Variants in SEC23A observed in about 807,000 individuals in gnomAD.
SEC23A encodes SEC23 homolog A, COPII component, also known as protein transport protein Sec23A.
Under a neutral mutation model 103.7 loss-of-function variants are expected in SEC23A, and 56 were observed. The ratio of observed to expected loss-of-function variants is 0.54; its 90% confidence interval spans 0.44 to 0.67. The LOEUF (loss-of-function observed/expected upper bound fraction) is 0.67, where lower values mean the gene tolerates loss of function less well. Ranked by LOEUF, SEC23A falls within the 30% of genes least tolerant of loss-of-function variation. The pLI, the probability that SEC23A is intolerant of heterozygous loss-of-function variation, is 0.00. For synonymous variants in SEC23A, 281 were observed against 293.0 expected (o/e 0.96, Z 0.42); for missense variants, 784 against 936.4 (o/e 0.84, Z 2.12).
intron 19 of SEC23A, among the ~76,000 whole-genome samples, chr14:39,037,507 T>C (rs1885500236): frequency 6.6e-6 from 1 of 152,244 alleles, no homozygotes; most frequent in African/African-American, 2.4e-5. Flanking sequence ...GTATGCTTTA[T>C]GTTTCTACAT....
intron 19 of SEC23A, among the ~76,000 whole-genome samples, chr14:39,035,267 T>G (rs1360247644): frequency 1.3e-5 from 2 of 152,198 alleles, no homozygotes; most frequent in African/African-American, 4.8e-5. Flanking sequence ...ATTATTAAAA[T>G]ATTGACATCA....
intron 2 of SEC23A, among the ~76,000 whole-genome samples, chr14:39,095,375 C>A (rs1887851337): frequency 6.6e-6 from 1 of 151,860 alleles, no homozygotes; most frequent in Non-Finnish European, 1.5e-5. Context: ...CAGCTCACTG[C>A]AACCTCCATC....
chr14:39,062,363 TGA>T (rs1886507008), intron 12 of SEC23A, among the ~76,000 whole-genome samples: 1 of 152,180 alleles, frequency 6.6e-6, no homozygotes, highest in Non-Finnish European at 1.5e-5. Context: ...GCATTTTCTT[TGA>T]GTGTCATGTC....
intron 12 of SEC23A, among the ~76,000 whole-genome samples, chr14:39,062,744 G>T (rs1886520943): frequency 2.6e-5 from 4 of 151,864 alleles, no homozygotes; most frequent in Admixed American, 6.6e-5. Context: ...TATTGCACCT[G>T]CCTTAGGAAA....
chr14:39,060,858 C>A (rs574782952), intron 13 of SEC23A, among the ~76,000 whole-genome samples: 2 of 152,080 alleles, frequency 1.3e-5, no homozygotes, highest in Admixed American at 1.3e-4. Context: ...TTATTATTCC[C>A]TTCTGGGGAC....
intron 15 of SEC23A, chr14:39,047,216 T>G: frequency 3.5e-6 from 1 of 285,680 alleles, no homozygotes; most frequent in East Asian, 1.1e-4. Context: ...TGTCCAGATC[T>G]CTCTGAAGAT....
At chr14:39,051,014 G>A (rs1048270108) in intron 14 of SEC23A, among the ~76,000 whole-genome samples, 1 of 152,124 alleles carries the variant, frequency 6.6e-6, no homozygotes, top group Middle Eastern at 3.2e-3. Flanking sequence ...CTTCACTGCT[G>A]AATTTTTAGC....
At position 39,077,592 on chromosome 14, in the gene SEC23A, A is replaced by G. The variant is rs117154945; in HGVS notation, c.829-1499T>C. Among the ~76,000 whole-genome samples, 423 of 151,734 alleles carry G rather than the reference A, an allele frequency of 2.8e-3. 1 individual carries two copies. Among genetic ancestry groups the G allele is most frequent in the Non-Finnish European group, 3.6e-3 (244 of 67,930 alleles). On this transcript the variant is annotated intron_variant, in intron 7 of 19. Coordinates refer to ENST00000307712, the MANE Select transcript of SEC23A (RefSeq NM_006364.4). ...ACAAAGATAGAGAGAGAGAGAGAGA[A>G]AAAAAAGTATGCATGACTTACACTT...
chr14:39,044,815 C>A (rs1375749318), intron 16 of SEC23A, among the ~76,000 whole-genome samples: 2 of 152,162 alleles, frequency 1.3e-5, no homozygotes, highest in Admixed American at 1.3e-4. Context: ...GAATAAGCTA[C>A]AGTCTACAGA....
chr14:39,084,842 T>C (rs923615350), intron 7 of SEC23A, among the ~76,000 whole-genome samples: 1 of 152,158 alleles, frequency 6.6e-6, no homozygotes, highest in Admixed American at 6.5e-5. Context: ...GGCTAATTTT[T>C]GTATTTTTGG....
chr14:39,078,291 G>C (rs1348006909), intron 7 of SEC23A, among the ~76,000 whole-genome samples: 1 of 151,246 alleles, frequency 6.6e-6, no homozygotes, highest in Non-Finnish European at 1.5e-5. Flanking sequence ...TTTAAAGATA[G>C]GAAATAATGC....
At chr14:39,063,868 C>T (rs1272363449) in intron 11 of SEC23A, among the ~76,000 whole-genome samples, 1 of 151,886 alleles carries the variant, frequency 6.6e-6, no homozygotes, top group African/African-American at 2.4e-5. Context: ...TGCTGGCGGA[C>T]GCCTGTAGTC....
At chr14:39,054,174 C>T (rs1301315306) in intron 14 of SEC23A, among the ~76,000 whole-genome samples, 2 of 151,584 alleles carry the variant, frequency 1.3e-5, no homozygotes, top group African/African-American at 4.9e-5. Flanking sequence ...ACTCAGGAGG[C>T]TGAAGTGGGA....
chr14:39,057,275 C>A (rs1391020275), intron 13 of SEC23A, among the ~76,000 whole-genome samples: 3 of 147,672 alleles, frequency 2.0e-5, no homozygotes, highest in Non-Finnish European at 3.0e-5. Context: ...CACTGCACTC[C>A]AGCATGGGCG....
chr14:39,099,157 T>C (rs1426611671), intron 1 of SEC23A, among the ~76,000 whole-genome samples: 2 of 137,794 alleles, frequency 1.5e-5, no homozygotes, highest in South Asian at 2.4e-4. Context: ...TTTTTGGGTT[T>C]TTTTTTTTTT....
At chr14:39,043,926 G>C (rs781204772) in intron 16 of SEC23A, among the ~76,000 whole-genome samples, 7 of 152,124 alleles carry the variant, frequency 4.6e-5, no homozygotes, top group Non-Finnish European at 1.0e-4. Context: ...TGTGAGGTGA[G>C]AAAGTATAAA....
rs541538360 is a variant in SEC23A, at chr14:39,046,795, G to A, written c.1738-1471C>T. Among the ~76,000 whole-genome samples the A allele has an allele frequency of 4.7e-4, 72 of 152,256 alleles. 1 individual carries two copies. The highest frequency in any genetic ancestry group is 3.3e-3 in the South Asian group (16 of 4,818). On this transcript the variant is annotated intron_variant, in intron 15 of 19. Coordinates refer to ENST00000307712, the MANE Select transcript of SEC23A (RefSeq NM_006364.4). ...CCTGAATAATGGACAGTTACACTGG[G>A]TCTTTGATAAAACTGATTAGGATCA...
intron 8 of SEC23A, among the ~76,000 whole-genome samples, 196 bp downstream of exon 8, chr14:39,075,739 G>C (rs2139253283): frequency 1.3e-5 from 2 of 152,260 alleles, no homozygotes; most frequent in South Asian, 4.1e-4. Flanking sequence ...GTACTATGAA[G>C]TGTTTAAATA....
chr14:39,055,790 A>T (rs1886225097), intron 13 of SEC23A, among the ~76,000 whole-genome samples: 1 of 152,208 alleles, frequency 6.6e-6, no homozygotes, highest in African/African-American at 2.4e-5. Context: ...CTCAAACACA[A>T]GGAAAAGAGA....
Sources: gnomAD v4.1 joint callset for allele counts (sites outside exome capture counted in the v4.1 genomes callset) on GRCh38, gnomAD v4.1.1 for gene constraint, MANE v1.5 for transcripts, NCBI Gene and HGNC (gene_info 2026-07-23, HGNC 2026-07-21) for gene names.